CAST: variants seen among roughly 807,000 people sequenced by gnomAD.
CAST encodes MIR583 host.
Under a neutral mutation model 119.6 loss-of-function variants are expected in CAST, and 76 were observed. The ratio of observed to expected loss-of-function variants is 0.64; its 90% CI spans 0.53 to 0.77. The LOEUF (loss-of-function observed/expected upper bound fraction) is 0.77. Among genes scored for constraint, CAST ranks in the 30% least tolerant of loss-of-function variants. The probability of loss-of-function intolerance (pLI) is 0.00; values close to 1 mark genes in which losing one functional copy is unlikely to be tolerated. For synonymous variants in CAST, 319 were observed against 331.6 expected, an observed-to-expected ratio of 0.96 and a Z score of 0.41; for missense variants, 953 against 946.5, an observed-to-expected ratio of 1.01 and a Z score of -0.09.
chr5:96,718,953 C>T (rs1278643137), intron 3 of CAST, among the ~76,000 whole-genome samples: 1 of 152,030 alleles, frequency 6.6e-6, no homozygotes, highest in Non-Finnish European at 1.5e-5. Context: ...GGAGAGATCA[C>T]GGGGAGGCTG....
the CAST span, among the ~76,000 whole-genome samples, chr5:96,081,988 A>T: frequency 6.6e-6 from 1 of 152,000 alleles, no homozygotes; most frequent in Non-Finnish European, 1.5e-5. Context: ...ATCTCGGCTC[A>T]CTGCAACCTC....
At chr5:96,700,931 ATTT>A (rs879659605) in intron 3 of CAST, among the ~76,000 whole-genome samples, 1 of 145,016 alleles carries the variant, frequency 6.9e-6, no homozygotes. Context: ...TGCGAAAAAA[ATTT>A]TTTTTTTTTT....
At chr5:96,545,292 C>A (rs1030085359) in intron 1 of CAST, 10 of 152,192 alleles carry the variant, frequency 6.6e-5, no homozygotes, top group African/African-American at 2.4e-4. Context: ...ACCAAGCAAA[C>A]TTTTAATAAG....
chr5:96,477,949 C>T, the CAST span, among the ~76,000 whole-genome samples: 1 of 152,184 alleles, frequency 6.6e-6, no homozygotes, highest in Admixed American at 6.5e-5. Context: ...ACACATGCTA[C>T]CCAGAGACAC....
chr5:96,749,696 G>A (rs1008356786), intron 19 of CAST, among the ~76,000 whole-genome samples: 1 of 152,082 alleles, frequency 6.6e-6, no homozygotes, highest in Admixed American at 6.5e-5. Context: ...ACAGGTGCAT[G>A]CCACCATGCC....
the CAST span, among the ~76,000 whole-genome samples, chr5:96,350,928 C>A: frequency 6.6e-6 from 1 of 152,102 alleles, no homozygotes; most frequent in Non-Finnish European, 1.5e-5. Context: ...CATTTTCAGA[C>A]CTTCATTATA....
the CAST span, among the ~76,000 whole-genome samples, chr5:96,320,528 G>T: frequency 6.6e-6 from 1 of 152,066 alleles, no homozygotes; most frequent in African/African-American, 2.4e-5. Context: ...GTGAGTCACC[G>T]TGCCCGGTCG....
chr5:96,543,910 TTATC>T (rs1471140670), intron 1 of CAST, among the ~76,000 whole-genome samples: 2 of 152,204 alleles, frequency 1.3e-5, no homozygotes, highest in African/African-American at 4.8e-5. Context: ...TCTGTTCTAT[TTATC>T]TATCTGTCTA....
the CAST span, among the ~76,000 whole-genome samples, chr5:96,364,508 A>T: frequency 1.3e-5 from 2 of 152,152 alleles, no homozygotes; most frequent in Admixed American, 1.3e-4. Context: ...AGAGCCTGTT[A>T]TTGGCCTATT....
chr5:96,620,192 G>A (rs1747573943), intron 1 of CAST, among the ~76,000 whole-genome samples: 1 of 152,068 alleles, frequency 6.6e-6, no homozygotes, highest in Non-Finnish European at 1.5e-5. Flanking sequence ...GAGCCTGTAG[G>A]GCGACAATCA....
At chr5:96,298,064 G>A in the CAST span, among the ~76,000 whole-genome samples, 3 of 152,160 alleles carry the variant, frequency 2.0e-5, no homozygotes, top group Non-Finnish European at 2.9e-5. Context: ...TTTGCTTAAT[G>A]CTAAATAGAA....
chr5:96,249,120 A>T, the CAST span, among the ~76,000 whole-genome samples: 41 of 152,194 alleles, frequency 2.7e-4, no homozygotes, highest in Non-Finnish European at 4.7e-4. Context: ...TCATGGGGTG[A>T]TATTTAGAGA....
intron 3 of CAST, among the ~76,000 whole-genome samples, chr5:96,712,559 G>A (rs1218432265): frequency 6.6e-6 from 1 of 152,130 alleles, no homozygotes; most frequent in African/African-American, 2.4e-5. Context: ...TAACTCCTGG[G>A]CTCAATCAAT....
chr5:96,758,785 G>A (rs186584255), intron 24 of CAST, among the ~76,000 whole-genome samples: 79 of 152,168 alleles, frequency 5.2e-4, no homozygotes, highest in Non-Finnish European at 8.4e-4. Context: ...TCCTCTCATC[G>A]TCTTCCATAC....
chr5:96,498,777 T>A, the CAST span, among the ~76,000 whole-genome samples: 1 of 152,158 alleles, frequency 6.6e-6, no homozygotes, highest in Non-Finnish European at 1.5e-5. Context: ...TGCCACCCTT[T>A]CATAGCCAGC....
chr5:96,091,120 G>A, the CAST span, among the ~76,000 whole-genome samples: 3 of 151,912 alleles, frequency 2.0e-5, no homozygotes, highest in Admixed American at 1.3e-4. Context: ...GAGGCTGCTG[G>A]CTTTGGAGAC....
chr5:96,463,387 A>G, the CAST span, among the ~76,000 whole-genome samples: 2 of 152,052 alleles, frequency 1.3e-5, no homozygotes, highest in Admixed American at 1.3e-4. Flanking sequence ...GGACATTATC[A>G]TGGAGCATTT....
the CAST span, among the ~76,000 whole-genome samples, chr5:96,500,212 AAC>A: frequency 6.6e-6 from 1 of 152,248 alleles, no homozygotes; most frequent in Non-Finnish European, 1.5e-5. Flanking sequence ...AGACAAAGTA[AAC>A]ACATGCTGTT....
the CAST span, chr5:96,394,753 T>C: frequency 2.2e-6 from 2 of 910,736 alleles, no homozygotes; most frequent in Non-Finnish European, 3.7e-6. Context: ...CTTCTTATCC[T>C]CCCCATCCAT....
Sources: gnomAD v4.1 joint callset for allele counts (sites outside exome capture counted in the v4.1 genomes callset) on GRCh38, gnomAD v4.1.1 for gene constraint, MANE v1.5 for transcripts, NCBI Gene and HGNC (gene_info 2026-07-23, HGNC 2026-07-21) for gene names.